Variants in DPY19L3 observed in about 807,000 individuals in gnomAD.
DPY19L3 encodes dpy-19 like C-mannosyltransferase 3, also known as protein C-mannosyl-transferase DPY19L3.
A neutral mutation model predicts 92.3 loss-of-function variants in DPY19L3; 51 were observed. The ratio of observed to expected loss-of-function variants is 0.55; its 90% CI spans 0.44 to 0.70. The LOEUF (loss-of-function observed/expected upper bound fraction) is 0.70, where lower values mean the gene tolerates loss of function less well. Among genes scored for constraint, DPY19L3 ranks in the 30% least tolerant of loss-of-function variants. The pLI is 0.00. For synonymous variants in DPY19L3, 309 were observed against 315.2 expected (o/e 0.98, Z 0.21); for missense variants, 706 against 855.9 (o/e 0.82, Z 2.18).
intron 18 of DPY19L3, chr19:32,481,103 T>C (rs1970660439): frequency 4.1e-6 from 1 of 245,236 alleles, no homozygotes; most frequent in East Asian, 7.4e-5. Flanking sequence ...TTCTCCCTTC[T>C]CCCTTCTGAG....
intron 3 of DPY19L3, among the ~76,000 whole-genome samples, chr19:32,424,760 G>A (rs887133221): frequency 2.0e-5 from 3 of 152,174 alleles, no homozygotes; most frequent in African/African-American, 7.2e-5. Flanking sequence ...AAACTCAAGG[G>A]ACTCAGAATA....
chr19:32,471,142 G>A (rs1284518547), intron 16 of DPY19L3, among the ~76,000 whole-genome samples: 1 of 152,156 alleles, frequency 6.6e-6, no homozygotes, highest in Non-Finnish European at 1.5e-5. Flanking sequence ...TCACCTCACT[G>A]CTTTGATTAG....
At chr19:32,467,789 C>T in intron 15 of DPY19L3, 2 of 980,926 alleles carry the variant, frequency 2.0e-6, no homozygotes, top group Non-Finnish European at 2.4e-6. Flanking sequence ...TTTTAGTCAA[C>T]TGTCATTTGA....
chr19:32,470,240 TC>T (rs1286807325), intron 16 of DPY19L3, among the ~76,000 whole-genome samples: 1 of 152,250 alleles, frequency 6.6e-6, no homozygotes, highest in Non-Finnish European at 1.5e-5. Context: ...AGTAAATAAT[TC>T]CTTCAGTATT....
At chr19:32,429,641 G>A (rs1488940057) in intron 3 of DPY19L3, among the ~76,000 whole-genome samples, 1 of 152,150 alleles carries the variant, frequency 6.6e-6, no homozygotes, top group Non-Finnish European at 1.5e-5. Flanking sequence ...TTTATTCTTA[G>A]AACCATATAA....
At chr19:32,439,945 G>T in intron 8 of DPY19L3, 35 bp downstream of exon 8, 2 of 1,607,468 alleles carry the variant, frequency 1.2e-6, no homozygotes, top group African/African-American at 1.3e-5. Flanking sequence ...TTGAGATTTT[G>T]GCCATTTAGT....
intron 8 of DPY19L3, among the ~76,000 whole-genome samples, chr19:32,443,410 G>A (rs1969384648): frequency 1.3e-5 from 2 of 152,190 alleles, no homozygotes; most frequent in African/African-American, 4.8e-5. Flanking sequence ...CAAGGTGATT[G>A]TATTAGGAGG....
intron 14 of DPY19L3, among the ~76,000 whole-genome samples, chr19:32,464,225 A>C (rs1196250259): frequency 2.0e-5 from 3 of 152,158 alleles, no homozygotes; most frequent in African/African-American, 7.2e-5. Context: ...ATACAAAAAA[A>C]AGCACAAAAG....
intron 3 of DPY19L3, among the ~76,000 whole-genome samples, chr19:32,424,470 CAAA>C (rs898768809): frequency 1.4e-5 from 2 of 144,922 alleles, no homozygotes; most frequent in Admixed American, 1.4e-4. Context: ...ACTAAAAATA[CAAA>C]AAAAAAAATT....
intron 12 of DPY19L3, 43 bp from the exon 13 acceptor site, chr19:32,463,323 T>G (rs369946218): frequency 1.5e-5 from 24 of 1,606,984 alleles, no homozygotes; most frequent in Non-Finnish European, 1.9e-5. Context: ...CTAACTAAAA[T>G]TATGTTTCCA....
intron 3 of DPY19L3, among the ~76,000 whole-genome samples, chr19:32,427,644 C>T (rs1202643466): frequency 6.6e-6 from 1 of 152,226 alleles, no homozygotes; most frequent in Non-Finnish European, 1.5e-5. Context: ...ACTTCAGTAG[C>T]AGACTGCCCT....
rs1275563446 is a variant in DPY19L3, at chr19:32,463,888, TCA to T, written c.1470_1471del (p.Met491ValfsTer10). On this transcript the variant is annotated frameshift_variant, in exon 14 of 19. Coordinates refer to ENST00000392250, the MANE Select transcript of DPY19L3 (RefSeq NM_001172774.2). LOFTEE classifies it high-confidence loss of function. ...STMRMKYLWT[S>X]HMCVFASFGL... ...TTGCAGAATGAAGTACCTCTGGACG[TCA>T]CACATGTGTGTGTTCGCATCATTCG... 3.7e-6 allele frequency: 6 copies of T among 1,613,512 alleles called. No individual in the cohort carries two copies. In the African/African-American group the frequency reaches 5.3e-5, roughly 14 times the overall value.
At chr19:32,419,089 A>G (rs1418406493) in intron 3 of DPY19L3, among the ~76,000 whole-genome samples, 1 of 151,648 alleles carries the variant, frequency 6.6e-6, no homozygotes, top group Admixed American at 6.6e-5. Flanking sequence ...TTTTTAAAAT[A>G]CCCTTTATTG....
chr19:32,464,585 C>G, intron 14 of DPY19L3, 143 bp from the exon 15 acceptor site: 1 of 476,584 alleles, frequency 2.1e-6, no homozygotes, highest in East Asian at 3.7e-5. Flanking sequence ...TCCTATAATC[C>G]TAGCTGCTCA....
intron 3 of DPY19L3, among the ~76,000 whole-genome samples, chr19:32,422,071 T>C (rs1968590074): frequency 6.6e-6 from 1 of 152,186 alleles, no homozygotes; most frequent in African/African-American, 2.4e-5. Flanking sequence ...TGCAAGTAGC[T>C]TGTGTAGTAA....
chr19:32,432,856 A>G (rs1969015361), intron 4 of DPY19L3, 50 bp downstream of exon 4: 1 of 1,545,904 alleles, frequency 6.5e-7, no homozygotes, highest in Non-Finnish European at 8.9e-7. Context: ...TTTTTTCAAT[A>G]TTTTAGTGAG....
rs976909390 is a variant in DPY19L3 at position 32,428,724 on chromosome 19, G to A, written c.238-3992G>A. Among the ~76,000 whole-genome samples the A allele has an allele frequency of 3.3e-5, 5 of 152,276 alleles. No individual in the cohort carries two copies. In the East Asian group the frequency reaches 9.6e-4, roughly 29 times the overall value. On this transcript the variant is annotated intron_variant, in intron 3 of 18. Transcript: ENST00000392250. ...CAGCAACTTGTCTGAGTGCCTGTGG[G>A]GAATGTGATCATTTATTGTGAGCAG...
intron 3 of DPY19L3, among the ~76,000 whole-genome samples, chr19:32,422,565 A>G (rs1568328265): frequency 2.0e-5 from 3 of 151,832 alleles, no homozygotes; most frequent in African/African-American, 7.3e-5. Context: ...ATTGAGGACA[A>G]AGAGCAGCAA....
intron 12 of DPY19L3, among the ~76,000 whole-genome samples, chr19:32,460,228 G>A (rs1030783104): frequency 6.6e-6 from 1 of 151,734 alleles, no homozygotes; most frequent in South Asian, 2.1e-4. Context: ...TAGCAAGACC[G>A]CATCTCTACG....
Sources: gnomAD v4.1 joint callset for allele counts (sites outside exome capture counted in the v4.1 genomes callset) on GRCh38, gnomAD v4.1.1 for gene constraint, MANE v1.5 for transcripts, NCBI Gene and HGNC (gene_info 2026-07-23, HGNC 2026-07-21) for gene names.